PDE4DIP: variants seen among roughly 807,000 people sequenced by gnomAD.
The protein encoded by PDE4DIP is phosphodiesterase 4D interacting protein, also known as myomegalin.
A neutral mutation model predicts 221.4 loss-of-function variants in PDE4DIP; 59 were observed. That is an observed-to-expected ratio of 0.27 (90% CI 0.22 to 0.33). The LOEUF (loss-of-function observed/expected upper bound fraction) is 0.33, where lower values mean the gene tolerates loss of function less well. PDE4DIP is among the 10% of genes least tolerant of loss of function. PDE4DIP has a pLI of 1.00. For synonymous variants in PDE4DIP, 404 were observed against 815.9 expected, an observed-to-expected ratio of 0.50 and a Z score of 8.60; for missense variants, 1,036 against 2,154.2, an observed-to-expected ratio of 0.48 and a Z score of 10.28.
At chr1:149,029,444 A>G (rs2076073173) in intron 41 of PDE4DIP, among the ~76,000 whole-genome samples, 1 of 152,152 alleles carries the variant, frequency 6.6e-6, no homozygotes. Flanking sequence ...TGAACTCTCA[A>G]TCTTACCTGT....
intron 1 of PDE4DIP, among the ~76,000 whole-genome samples, chr1:148,926,946 C>A (rs1455743191): frequency 6.9e-6 from 1 of 145,938 alleles, no homozygotes; most frequent in African/African-American, 2.5e-5. Flanking sequence ...TTGAAATATG[C>A]GTGTTTCCAT....
At chr1:148,975,176 A>T (rs2059910181) in intron 17 of PDE4DIP, among the ~76,000 whole-genome samples, 1 of 146,720 alleles carries the variant, frequency 6.8e-6, no homozygotes, top group African/African-American at 2.5e-5. Context: ...CGCCTCCAAG[A>T]TAATAATAAT....
intron 37 of PDE4DIP, among the ~76,000 whole-genome samples, chr1:149,023,684 G>A (rs2073958729): frequency 9.6e-5 from 10 of 104,536 alleles, no homozygotes; most frequent in Admixed American, 4.9e-4. Flanking sequence ...ATATGTACAT[G>A]TATATGTGTG....
intron 5 of PDE4DIP, among the ~76,000 whole-genome samples, chr1:148,950,619 A>G (rs1275154974): frequency 2.4e-5 from 3 of 124,176 alleles, no homozygotes; most frequent in Non-Finnish European, 3.3e-5. Flanking sequence ...AGGGGGAGCA[A>G]ACAAGTCACA....
chr1:148,912,174 T>C (rs1339830772), intron 1 of PDE4DIP, among the ~76,000 whole-genome samples: 3 of 145,884 alleles, frequency 2.1e-5, no homozygotes, highest in Middle Eastern at 3.5e-3. Context: ...GATTTGTTTC[T>C]AGGTTTACCT....
chr1:149,014,942 GCTGA>G (rs1553609232), intron 32 of PDE4DIP, among the ~76,000 whole-genome samples: 3 of 152,258 alleles, frequency 2.0e-5, no homozygotes, highest in South Asian at 4.2e-4. Context: ...TAAAAAGTAA[GCTGA>G]CTATCTGCAA....
At chr1:148,984,121 G>A (rs587709336) in intron 21 of PDE4DIP, 12 of 152,096 alleles carry the variant, frequency 7.9e-5, no homozygotes, top group African/African-American at 2.9e-4. Context: ...TTAGTACCTA[G>A]TATAAATCAA....
rs1292565420 is a variant in PDE4DIP, at chr1:148,844,566, C to T, written c.234-18684C>T. ...CAGTCCCTCCCTTGTGCGGGTCGCA[C>T]GGCTAGCCGCAGGTTCGGCCACGTC... On this transcript the variant is annotated intron_variant, in intron 1 of 45. In the 5' UTR this introduces an upstream ATG that the reference lacks. Transcript: ENST00000524974. 1.0e-5 allele frequency: 1 copy of T among 95,802 alleles called. No homozygotes were observed. Among genetic ancestry groups the T allele is most frequent in the Non-Finnish European group, 2.4e-5 (1 of 41,936 alleles). 5.9% of individuals were successfully genotyped at this position (95,802 alleles called of 1,614,324 possible).
chr1:148,856,284 C>T (rs1681291486), intron 1 of PDE4DIP, among the ~76,000 whole-genome samples: 1 of 47,588 alleles, frequency 2.1e-5, no homozygotes, highest in Non-Finnish European at 4.6e-5. Flanking sequence ...AAACCGTCCA[C>T]CCTTCCTTTC....
At chr1:148,918,843 C>T (rs2044748275) in intron 1 of PDE4DIP, among the ~76,000 whole-genome samples, 1 of 93,228 alleles carries the variant, frequency 1.1e-5, no homozygotes, top group Admixed American at 1.1e-4. Flanking sequence ...CTGAACAGAG[C>T]AGTTTTGCCA....
intron 1 of PDE4DIP, among the ~76,000 whole-genome samples, chr1:148,915,339 G>A (rs56177827): frequency 3.2e-4 from 48 of 151,844 alleles, no homozygotes; most frequent in South Asian, 6.2e-4. Context: ...TAGTAGAGAC[G>A]GGGTTTCACC....
intron 5 of PDE4DIP, among the ~76,000 whole-genome samples, chr1:148,959,676 T>A (rs1362078779): frequency 1.3e-5 from 2 of 152,084 alleles, no homozygotes; most frequent in Non-Finnish European, 2.9e-5. Context: ...CATATATAAA[T>A]CATTGTTCCA....
chr1:148,986,460 A>G (rs1430193535), intron 21 of PDE4DIP: 2 of 152,240 alleles, frequency 1.3e-5, no homozygotes, highest in Non-Finnish European at 1.5e-5. Flanking sequence ...CAATAAAATT[A>G]TCAAAGGCCA....
At chr1:148,838,898 G>A (rs1470942469) in intron 1 of PDE4DIP, among the ~76,000 whole-genome samples, 3 of 26,664 alleles carry the variant, frequency 1.1e-4, no homozygotes, top group Admixed American at 4.1e-4. Context: ...CAGTCTCCTC[G>A]ATGTCCTTCC....
chr1:148,931,856 AGGAGCGACAGCAGGAGAC>A (rs2048082386), exon 3 of PDE4DIP: 1 of 1,442,842 alleles, frequency 6.9e-7, no homozygotes. Context: ...CGCCAGTTTG[AGGAGCGACAGCAGGAGAC>A]GGAGCATGTT....
intron 41 of PDE4DIP, among the ~76,000 whole-genome samples, chr1:149,029,499 T>A (rs1273894354): frequency 1.3e-5 from 2 of 152,178 alleles, no homozygotes; most frequent in Non-Finnish European, 2.9e-5. Flanking sequence ...AGCAAGGTCC[T>A]CTTCAGAGTT....
Position 148,922,612 on chromosome 1 carries a change from G to A in PDE4DIP, c.142-6585G>A, listed in dbSNP as rs2045678860. ...TTTATTTATCTACTTATTTGAGATGGAGTCTCGCTCTGTCACCCGGGCTGG... is the reference window on the plus strand; with the variant it reads ...TTTATTTATCTACTTATTTGAGATGAAGTCTCGCTCTGTCACCCGGGCTGG... On this transcript the variant is annotated intron_variant, in intron 1 of 43. Coordinates refer to ENST00000369354, the Ensembl canonical transcript of PDE4DIP. Among the ~76,000 whole-genome samples the A allele has an allele frequency of 1.2e-4, 18 of 148,704 alleles. No homozygotes were observed. In the South Asian group the frequency reaches 4.0e-3, roughly 33 times the overall value.
chr1:148,823,728 C>T (rs587731547), intron 1 of PDE4DIP, among the ~76,000 whole-genome samples: 9 of 150,612 alleles, frequency 6.0e-5, no homozygotes, highest in African/African-American at 2.0e-4. Context: ...CCAAAATGTA[C>T]GGCTATATTG....
chr1:148,971,440 A>T (rs113252), intron 14 of PDE4DIP, among the ~76,000 whole-genome samples: 21,320 of 137,664 alleles, frequency 0.15, 1,962 homozygotes, highest in Non-Finnish European at 0.2. Context: ...TTTAAAAAAA[A>T]TTTTTTCCCA....
Sources: gnomAD v4.1 joint callset for allele counts (sites outside exome capture counted in the v4.1 genomes callset) on GRCh38, gnomAD v4.1.1 for gene constraint, MANE v1.5 for transcripts, NCBI Gene and HGNC (gene_info 2026-07-23, HGNC 2026-07-21) for gene names.